Variants in ANO3 observed in about 807,000 individuals in gnomAD.
The protein encoded by ANO3 is anoctamin-3.
A neutral mutation model predicts 144.8 loss-of-function variants in ANO3; 99 were observed. The observed-to-expected ratio is 0.68, with a 90% confidence interval of 0.58 to 0.81. The LOEUF is 0.81. Ranked by LOEUF, ANO3 falls within the 30% of genes least tolerant of loss-of-function variation. ANO3 has a pLI of 0.00. For synonymous variants in ANO3, 414 were observed against 392.6 expected (o/e 1.05, Z -0.64); for missense variants, 905 against 1,202.2 (o/e 0.75, Z 3.66).
chr11:26,541,833 T>C, intron 10 of ANO3, 114 bp from the exon 11 acceptor site: 1 of 991,940 alleles, frequency 1.0e-6, no homozygotes, highest in Non-Finnish European at 1.4e-6. Flanking sequence ...AGTTTATCAT[T>C]TTTGAAGCTT....
intron 1 of ANO3, among the ~76,000 whole-genome samples, chr11:26,257,519 AT>A (rs1853087301): frequency 6.6e-6 from 1 of 152,190 alleles, no homozygotes; most frequent in African/African-American, 2.4e-5. Context: ...CAGTAAAAAA[AT>A]AATTTTTTAA....
At chr11:26,500,734 C>G (rs528210429) in intron 4 of ANO3, among the ~76,000 whole-genome samples, 12 of 151,564 alleles carry the variant, frequency 7.9e-5, no homozygotes, top group Non-Finnish European at 1.8e-4. Context: ...GAATACTTTT[C>G]CCATTCTGTG....
intron 3 of ANO3, among the ~76,000 whole-genome samples, chr11:26,455,034 T>TA (rs369001947): frequency 0.031 from 4,753 of 151,916 alleles, 102 homozygotes; most frequent in Non-Finnish European, 0.05. Context: ...CACTTCATGC[T>TA]AAAAACTCTC....
At chr11:26,349,257 A>G (rs1317259597) in intron 1 of ANO3, among the ~76,000 whole-genome samples, 2 of 152,212 alleles carry the variant, frequency 1.3e-5, no homozygotes, top group Non-Finnish European at 2.9e-5. Context: ...TAACATTCAA[A>G]TGTAAAATCT....
rs76619804 is a variant in ANO3 at position 26,616,334 on chromosome 11, A to G, written c.1837-8128A>G. ...TGCAAAAGTTATTGCGATTTTTGCT[A>G]TTGAAAATGATGGCAAGAATCACAA... On this transcript the variant is annotated intron_variant, in intron 17 of 26. Transcript: ENST00000256737. Among the ~76,000 whole-genome samples, 746 of 152,138 alleles carry G rather than the reference A, an allele frequency of 4.9e-3. 8 individuals are homozygous for G. The highest frequency in any genetic ancestry group is 0.017 in the African/African-American group (707 of 41,506).
chr11:26,422,856 A>G (rs1857793611), intron 1 of ANO3, among the ~76,000 whole-genome samples: 1 of 152,020 alleles, frequency 6.6e-6, no homozygotes, highest in Non-Finnish European at 1.5e-5. Flanking sequence ...AATGTTGAAA[A>G]GAAACTTTGT....
At chr11:26,596,010 T>A (rs1430542233) in intron 14 of ANO3, among the ~76,000 whole-genome samples, 1 of 152,194 alleles carries the variant, frequency 6.6e-6, no homozygotes, top group Non-Finnish European at 1.5e-5. Flanking sequence ...GGGTTGTCAG[T>A]GGTCTCAGTG....
chr11:26,581,473 G>C (rs1388732841), intron 14 of ANO3, among the ~76,000 whole-genome samples: 1 of 152,008 alleles, frequency 6.6e-6, no homozygotes, highest in Non-Finnish European at 1.5e-5. Flanking sequence ...TGGATCACCT[G>C]AGGTCAGGAG....
intron 3 of ANO3, among the ~76,000 whole-genome samples, chr11:26,449,753 CTTT>C (rs78519382): frequency 0.026 from 3,913 of 150,352 alleles, 81 homozygotes; most frequent in South Asian, 0.046. Context: ...GTAGAATTGC[CTTT>C]TTTTTTTTTC....
At chr11:26,332,563 A>G (rs1214381231) in intron 1 of ANO3, among the ~76,000 whole-genome samples, 1 of 151,380 alleles carries the variant, frequency 6.6e-6, no homozygotes, top group Non-Finnish European at 1.5e-5. Flanking sequence ...GACTTAATGT[A>G]TATCTCTGTG....
intron 1 of ANO3, among the ~76,000 whole-genome samples, chr11:26,211,447 G>T (rs1851930386): frequency 6.6e-6 from 1 of 151,800 alleles, no homozygotes; most frequent in Non-Finnish European, 1.5e-5. Context: ...TGTGGCCAAT[G>T]AACATATGAA....
intron 1 of ANO3, among the ~76,000 whole-genome samples, chr11:26,364,936 A>G (rs890578126): frequency 6.6e-6 from 1 of 152,196 alleles, no homozygotes; most frequent in Non-Finnish European, 1.5e-5. Flanking sequence ...AATTTATTCC[A>G]GAATTAACTC....
chr11:26,255,836 C>T (rs1053449752), intron 1 of ANO3, among the ~76,000 whole-genome samples: 1 of 152,128 alleles, frequency 6.6e-6, no homozygotes, highest in Non-Finnish European at 1.5e-5. Flanking sequence ...CAAAAATGCT[C>T]TCAATTCTTA....
intron 1 of ANO3, among the ~76,000 whole-genome samples, chr11:26,399,115 G>A (rs141533041): frequency 2.0e-5 from 3 of 151,966 alleles, no homozygotes; most frequent in Non-Finnish European, 2.9e-5. Context: ...AAACTGGCTC[G>A]AAATCTGGTG....
chr11:26,209,820 A>G (rs1185778205), intron 1 of ANO3, among the ~76,000 whole-genome samples: 1 of 148,128 alleles, frequency 6.8e-6, no homozygotes, highest in South Asian at 2.2e-4. Context: ...TCCTTTGCCC[A>G]CTTTTGGATG....
At chr11:26,208,128 T>C (rs1851849715) in intron 1 of ANO3, 1 of 152,194 alleles carries the variant, frequency 6.6e-6, no homozygotes, top group African/African-American at 2.4e-5. Flanking sequence ...AATTAGTCTA[T>C]TCGTGAGATC....
intron 7 of ANO3, among the ~76,000 whole-genome samples, chr11:26,527,997 G>T (rs551910060): frequency 6.6e-6 from 1 of 152,206 alleles, no homozygotes; most frequent in South Asian, 2.1e-4. Flanking sequence ...AATTTTCATA[G>T]AATTATCTTA....
chr11:26,550,154 G>A (rs959161121), intron 12 of ANO3, among the ~76,000 whole-genome samples: 9 of 151,096 alleles, frequency 6.0e-5, no homozygotes, highest in African/African-American at 2.2e-4. Context: ...ATTATCAACA[G>A]TATTAACAAT....
chr11:26,458,372 G>A (rs947489145), intron 3 of ANO3, among the ~76,000 whole-genome samples: 4 of 152,060 alleles, frequency 2.6e-5, no homozygotes, highest in South Asian at 2.1e-4. Flanking sequence ...AAATTCTGCC[G>A]TTATGATACA....
Sources: allele counts gnomAD v4.1 joint callset (sites outside exome capture counted in the v4.1 genomes callset), GRCh38; gene constraint gnomAD v4.1.1; transcripts MANE v1.5; gene names NCBI Gene and HGNC (gene_info 2026-07-23, HGNC 2026-07-21).